UPF2: variants seen among roughly 807,000 people sequenced by gnomAD.
UPF2 encodes the protein UPF2 regulator of nonsense mediated mRNA decay.
In UPF2, 17 loss-of-function variants were observed where a neutral mutation model predicts 141.4. The observed-to-expected ratio is 0.12, with a 90% confidence interval of 0.08 to 0.18. UPF2 has a LOEUF of 0.18. Ranked by LOEUF, UPF2 falls within the 10% of genes least tolerant of loss-of-function variation. The probability of loss-of-function intolerance (pLI) is 1.00; values close to 1 mark genes in which losing one functional copy is unlikely to be tolerated. For synonymous variants in UPF2, 540 were observed against 498.0 expected (o/e 1.08, Z -1.12); for missense variants, 1,152 against 1,515.9 (o/e 0.76, Z 3.99).
At chr10:11,926,199 C>T (rs1049533102) in intron 21 of UPF2, among the ~76,000 whole-genome samples, 3 of 152,168 alleles carry the variant, frequency 2.0e-5, no homozygotes, top group Non-Finnish European at 1.5e-5. Flanking sequence ...GGAGGAGGAG[C>T]TGTCAATAAC....
intron 8 of UPF2, among the ~76,000 whole-genome samples, chr10:11,995,547 G>A (rs1350799503): frequency 2.6e-5 from 4 of 152,166 alleles, no homozygotes; most frequent in Non-Finnish European, 4.4e-5. Flanking sequence ...CACTTTGGGA[G>A]GCTGAGGCAG....
At chr10:11,975,821 A>G (rs1285878338) in intron 9 of UPF2, among the ~76,000 whole-genome samples, 1 of 152,096 alleles carries the variant, frequency 6.6e-6, no homozygotes, top group Non-Finnish European at 1.5e-5. Context: ...CCGGCCCTAA[A>G]AACGTTTTTG....
Position 12,029,218 on chromosome 10 carries a change from G to A in UPF2, c.672C>T (p.His224=), listed in dbSNP as rs750549108. 4 of 1,614,174 alleles carry A rather than the reference G, an allele frequency of 2.5e-6. No individual in the cohort carries two copies. Among genetic ancestry groups the A allele is most frequent in the Admixed American group, 1.7e-5 (1 of 60,020 alleles). ...AACGCTGGTGAAAGAGAGAGCAGAG[G>A]TGCACAGCACAGTTCACATCAGAGA... ...LKISDVNCAV[H]LCSLFHQRYA... is the part of the protein sequence containing the mutation. The change falls in exon 3 of 22, where the codon CAC becomes CAT. Residue 224 remains histidine (H), a synonymous_variant. Coordinates refer to ENST00000357604, the MANE Select transcript of UPF2 (RefSeq NM_015542.4).
At chr10:11,948,149 G>A (rs1833026839) in intron 16 of UPF2, among the ~76,000 whole-genome samples, 1 of 150,180 alleles carries the variant, frequency 6.7e-6, no homozygotes, top group South Asian at 2.1e-4. Flanking sequence ...TCGGGAGGCT[G>A]AGGCAGGAGA....
At chr10:12,006,419 TATAA>T (rs1425576672) in intron 4 of UPF2, among the ~76,000 whole-genome samples, 2 of 152,224 alleles carry the variant, frequency 1.3e-5, no homozygotes, top group Non-Finnish European at 2.9e-5. Context: ...AAATGAGAAT[TATAA>T]ATAGATTATG....
intron 8 of UPF2, among the ~76,000 whole-genome samples, chr10:11,987,517 G>C (rs1180014262): frequency 6.6e-6 from 1 of 151,952 alleles, no homozygotes; most frequent in African/African-American, 2.4e-5. Flanking sequence ...CAGCACTTTG[G>C]GAGGCCTAGG....
intron 8 of UPF2, among the ~76,000 whole-genome samples, chr10:11,986,170 C>T (rs1207686216): frequency 6.6e-6 from 1 of 151,976 alleles, no homozygotes; most frequent in Non-Finnish European, 1.5e-5. Flanking sequence ...AGGCGTGAAC[C>T]ACCGCGCCCG....
chr10:11,968,839 T>G (rs1833365286), intron 9 of UPF2, among the ~76,000 whole-genome samples: 1 of 152,200 alleles, frequency 6.6e-6, no homozygotes, highest in Admixed American at 6.5e-5. Context: ...GACCATAATG[T>G]GGTGCCCTGA....
rs1223522831 is a variant in UPF2, at chr10:11,955,468, C to T, written c.2614G>A (p.Ala872Thr). 2.5e-6 allele frequency: 4 copies of T among 1,613,778 alleles called. No homozygotes were observed. Among genetic ancestry groups the T allele is most frequent in the Admixed American group, 3.3e-5 (2 of 59,952 alleles). ...PKFNQRRISS[A>T]KFLGELYNYR... ...TTGTAAAGTTCTCCTAAGAACTTGG[C>T]ACTGCTGATGCGCCTCTGATTAAAT... The change falls in exon 14 of 22, where the codon GCC becomes ACC. Residue 872 changes from alanine (A) to threonine (T), a missense_variant. Transcript: ENST00000357604.
chr10:11,985,764 T>A (rs1293556215), intron 8 of UPF2, among the ~76,000 whole-genome samples: 1 of 152,018 alleles, frequency 6.6e-6, no homozygotes, highest in African/African-American at 2.4e-5. Context: ...ACATTAAAGT[T>A]ATTAATAACA....
chr10:11,959,084 A>T lies in UPF2; in HGVS notation c.2370+87T>A. On this transcript the variant is annotated intron_variant, in intron 12 of 21. Coordinates refer to ENST00000357604, the MANE Select transcript of UPF2 (RefSeq NM_015542.4). This position sits in a 1 kb window ranked among gnomAD's most constrained non-coding sequence, Gnocchi z 5.9. ...CTGATTATAAAGGAACTTGAGCTCT[A>T]CCCCCACTTCTCCTAGACTCTACAT... 2 of 1,306,212 alleles carry T rather than the reference A, an allele frequency of 1.5e-6. No homozygotes were observed. The highest frequency in any genetic ancestry group is 2.0e-6 in the Non-Finnish European group (2 of 986,976). 80.9% of individuals were successfully genotyped at this position (1,306,212 alleles called of 1,614,324 possible).
rs757835268 is a variant in UPF2, at chr10:11,921,876, A to G, written c.3810-569T>C. On this transcript the variant is annotated intron_variant, in intron 21 of 21. Transcript: ENST00000357604. This position sits in a 1 kb window ranked among gnomAD's most constrained non-coding sequence, Gnocchi z 5.9. Reference sequence around the variant, plus strand: ...GTTATGGTTCAGTTGTGTATCCCCAAAATTCACATGTTAACACTGAACTGC... The same window carrying G: ...GTTATGGTTCAGTTGTGTATCCCCAGAATTCACATGTTAACACTGAACTGC... Among the ~76,000 whole-genome samples, 6 of 152,184 alleles carry G rather than the reference A, an allele frequency of 3.9e-5. No homozygotes were observed. Among genetic ancestry groups the G allele is most frequent in the Non-Finnish European group, 8.8e-5 (6 of 68,028 alleles).
At chr10:11,983,524 T>C (rs1161877074) in intron 8 of UPF2, among the ~76,000 whole-genome samples, 1 of 151,948 alleles carries the variant, frequency 6.6e-6, no homozygotes, top group Non-Finnish European at 1.5e-5. Context: ...CAGCGCGTGC[T>C]ATCATGCCCA....
intron 2 of UPF2, among the ~76,000 whole-genome samples, chr10:12,032,863 G>A (rs1834550963): frequency 6.6e-6 from 1 of 151,994 alleles, no homozygotes; most frequent in African/African-American, 2.4e-5. Flanking sequence ...CAGGGGTGGT[G>A]GCACGAGCCT....
intron 8 of UPF2, among the ~76,000 whole-genome samples, chr10:11,994,038 C>T (rs897747821): frequency 4.6e-5 from 7 of 151,784 alleles, no homozygotes; most frequent in African/African-American, 1.7e-4. Flanking sequence ...CAATGGACAA[C>T]TCATATATGA....
Position 12,017,006 on chromosome 10 carries a change from C to T in UPF2, c.1146-2822G>A, listed in dbSNP as rs190291232. Among the ~76,000 whole-genome samples the T allele has an allele frequency of 1.8e-3, 255 of 139,832 alleles. 1 individual carries two copies. Among genetic ancestry groups the T allele is most frequent in the African/African-American group, 6.4e-3 (235 of 36,992 alleles). 91.7% of individuals were successfully genotyped at this position (139,832 alleles called of 152,430 possible). A position where few individuals can be genotyped will look rare whatever the true frequency, so the allele number is the denominator to read the frequency against. On this transcript the variant is annotated intron_variant, in intron 3 of 21. Transcript: ENST00000357604. ...TTGCACTCCAGCCTGAGCAACAGAGCGAGACTCCATCTCGGAAAAAAAAAA... is the reference window on the plus strand; with the variant it reads ...TTGCACTCCAGCCTGAGCAACAGAGTGAGACTCCATCTCGGAAAAAAAAAA...
rs1432212939 is a variant in UPF2, at chr10:11,998,848, C to A, written c.1758+1058G>T. On this transcript the variant is annotated intron_variant, in intron 7 of 21. Coordinates refer to ENST00000357604, the MANE Select transcript of UPF2 (RefSeq NM_015542.4). This position sits in a 1 kb window ranked among gnomAD's most constrained non-coding sequence, Gnocchi z 4.5. ...CAGCCTGGGCAACAGAGCAAGACTC[C>A]GTCTCAAAAAAATAAAAAATAAAAA... 6.6e-6 allele frequency among the ~76,000 whole-genome samples: 1 copy of A among 150,916 alleles called. No individual in the cohort carries two copies.
chr10:12,016,885 TGGTG>T lies in UPF2; in HGVS notation c.1146-2705_1146-2702del, dbSNP rs1286237610. On this transcript the variant is annotated intron_variant, in intron 3 of 21. Transcript: ENST00000357604. This position sits in a 1 kb window ranked among gnomAD's most constrained non-coding sequence, Gnocchi z 4.1. The stretch of plus-strand genomic sequence containing the variant: ...AAACATAAAAATTAGCCGGGCACGA[TGGTG>T]GGTGCCTGTAATCCTAGCTCCTTGG... 3.3e-5 allele frequency among the ~76,000 whole-genome samples: 5 copies of T among 151,728 alleles called. No homozygotes were observed. The East Asian group carries it at 7.7e-4, about 24-fold the overall frequency.
chr10:12,026,094 A>T, intron 3 of UPF2, among the ~76,000 whole-genome samples: 1 of 152,144 alleles, frequency 6.6e-6, no homozygotes, highest in South Asian at 2.1e-4. Flanking sequence ...GCACCCTGCC[A>T]GTACTATTAA....
Sources: allele counts gnomAD v4.1 joint callset (sites outside exome capture counted in the v4.1 genomes callset), GRCh38; gene constraint gnomAD v4.1.1; non-coding constraint Gnocchi (gnomAD v3.1); transcripts MANE v1.5; gene names NCBI Gene and HGNC (gene_info 2026-07-23, HGNC 2026-07-21).